The following NACAD variants were observed in gnomAD, a reference collection of about 807,000 sequenced individuals.
The protein encoded by NACAD is NAC-alpha domain-containing protein 1.
A neutral mutation model predicts 98.9 loss-of-function variants in NACAD; 47 were observed. That is an observed-to-expected ratio of 0.48 (90% CI 0.38 to 0.61). The LOEUF (loss-of-function observed/expected upper bound fraction) is 0.61, where lower values mean the gene tolerates loss of function less well. Among genes scored for constraint, NACAD ranks in the 20% least tolerant of loss-of-function variants. The probability of loss-of-function intolerance (pLI) is 0.00; values close to 1 mark genes in which losing one functional copy is unlikely to be tolerated. For missense variants in NACAD, 1,412 were observed against 1,748.2 expected (o/e 0.81, Z 3.43); for synonymous variants, 696 against 767.2 (o/e 0.91, Z 1.53).
At position 45,088,719 on chromosome 7, in the gene NACAD, AG is replaced by A; in HGVS notation, c.67+108del. ...GGGCGCGGAAAGGGGAGGGGACTCG[AG>A]GGGGGCCAGGGGGATGGGGGAGAGG... On this transcript the variant is annotated intron_variant, in intron 1 of 7. Coordinates refer to ENST00000490531, the MANE Select transcript of NACAD (RefSeq NM_001146334.2). The surrounding 1 kb of genome is among the most constrained non-coding windows in gnomAD (Gnocchi z 5.7). The A allele has an allele frequency of 1.4e-6, 1 of 692,340 alleles. No homozygotes were observed. Among genetic ancestry groups the A allele is most frequent in the Non-Finnish European group, 1.8e-6 (1 of 548,656 alleles). The allele number at this position is 692,340 out of a possible 1,614,324, so 42.9% of individuals were successfully genotyped here.
At chr7:45,080,560 C>T (rs1192015856) in intron 7 of NACAD, 37 bp from the exon 8 acceptor site, 33 of 1,551,280 alleles carry the variant, frequency 2.1e-5, no homozygotes, top group African/African-American at 4.1e-5. Flanking sequence ...GGAAGCACCC[C>T]GCAGTGGAGC....
In NACAD at chr7:45,085,520, G is replaced by A; in HGVS notation, c.660C>T (p.Tyr220=). The A allele has an allele frequency of 6.4e-7, 1 of 1,550,786 alleles. No individual in the cohort carries two copies. The highest frequency in any genetic ancestry group is 8.7e-7 in the Non-Finnish European group (1 of 1,146,948). The change falls in exon 2 of 8, where the codon TAC becomes TAT. Residue 220 remains tyrosine, a synonymous_variant. Transcript: ENST00000490531. This position sits in a 1 kb window ranked among gnomAD's most constrained non-coding sequence, Gnocchi z 6.1. ...CCCAGCTGTCCCCATCGGCCGTAAT[G>A]TAGGAGCCCGAGGGTGAGGCGGGGG... ...DSPPASPSGS[Y]ITADGDSWAS...
At position 45,083,113 on chromosome 7, in the gene NACAD, A is replaced by G. The variant is rs1418733827; in HGVS notation, c.3067T>C (p.Leu1023=). The G allele has an allele frequency of 6.4e-7, 1 of 1,550,666 alleles. No homozygotes were observed. ...GGGAGACTGAGGGCCTCCATGCCCA[A>G]AGTGGAATCCGCATCTTCCTGTGCG... ...WAAQEDADST[L]GMEALSLPEP... The change falls in exon 2 of 8, where the codon TTG becomes CTG. Residue 1023 remains leucine, a synonymous_variant. Transcript: ENST00000490531.
chr7:45,082,411 C>G lies in NACAD; in HGVS notation c.3769G>C (p.Asp1257His), dbSNP rs1182121943. The G allele has an allele frequency of 1.9e-6, 3 of 1,549,334 alleles. No homozygotes were observed. The Admixed American group carries it at 5.9e-5, about 30-fold the overall frequency. The change falls in exon 2 of 8, where the codon GAC (aspartate) becomes CAC (histidine). Residue 1257 changes from aspartate to histidine, a missense_variant. By Grantham distance (81) the Asp-to-His change is moderately conservative. This residue lies in a region of NACAD where 572 missense variants were observed against 639.6 expected (regional missense o/e 0.89). Coordinates refer to ENST00000490531, the MANE Select transcript of NACAD (RefSeq NM_001146334.2). The surrounding 1 kb of genome is among the most constrained non-coding windows in gnomAD (Gnocchi z 4.5). ...GGGGGCTCCTCGTCTTCCACAGAGT[C>G]TTCCTGGGGGTCCTGGCACAGGCAG... ...APCLCQDPQEDSVEDEEPPGS... is the reference protein window; with the variant it reads ...APCLCQDPQEHSVEDEEPPGS...
intron 4 of NACAD, 94 bp downstream of exon 4, chr7:45,081,507 A>AT (rs1199288529): frequency 5.6e-5 from 82 of 1,462,078 alleles, no homozygotes; most frequent in Non-Finnish European, 7.3e-5. Context: ...GATGGATGGG[A>AT]TTTCATTAGC....
chr7:45,083,225 G>T lies in NACAD; in HGVS notation c.2955C>A (p.Ala985=), dbSNP rs1232950487. The part of the protein sequence containing the change: ...PRPAPEEKNA[A]LPTVPEPAAL... ...CTGCAGGCTCCGGGACTGTAGGGAGGGCTGCATTCTTCTCCTCAGGTGCTG... is the reference window on the plus strand; with the variant it reads ...CTGCAGGCTCCGGGACTGTAGGGAGTGCTGCATTCTTCTCCTCAGGTGCTG... Residue 985 remains alanine, a synonymous_variant, in exon 2 of 8, where the codon GCC becomes GCA. Coordinates refer to ENST00000490531, the MANE Select transcript of NACAD (RefSeq NM_001146334.2). 6.4e-7 allele frequency: 1 copy of T among 1,550,882 alleles called. No individual in the cohort carries two copies. Among genetic ancestry groups the T allele is most frequent in the East Asian group, 2.4e-5 (1 of 40,914 alleles).
chr7:45,083,383 G>A lies in NACAD; in HGVS notation c.2797C>T (p.Pro933Ser). ...TAPLPLQDTG[P>S]TSGPEPLAVA... ...GCCAGAGGCTCTGGACCTGAGGTGG[G>A]GCCTGTGTCTTGCAGAGGCAGAGGT... The change falls in exon 2 of 8, where the codon CCC becomes TCC. Residue 933 changes from proline to serine, a missense_variant. Physicochemically the swap from Pro to Ser is moderately conservative, Grantham distance 74 (BLOSUM62 -1). This residue lies in a region of NACAD where 572 missense variants were observed against 639.6 expected (regional missense o/e 0.89). Transcript: ENST00000490531. 1.3e-6 allele frequency: 2 copies of A among 1,551,354 alleles called. No homozygotes were observed. The highest frequency in any genetic ancestry group is 1.7e-6 in the Non-Finnish European group (2 of 1,147,026).
chr7:45,081,809 G>T lies in NACAD; in HGVS notation c.4131C>A (p.Ala1377=), dbSNP rs188442654. Residue 1377 remains alanine (A), a synonymous_variant, in exon 3 of 8, where the codon GCC becomes GCA. Coordinates refer to ENST00000490531, the MANE Select transcript of NACAD (RefSeq NM_001146334.2). The part of the protein sequence containing the change: ...QHSDSHGESS[A]ELDEQDILAP... ...CCAAGATGTCCTGCTCGTCCAGCTC[G>T]GCTGATGACTCCCCGTGGCTATCCG... 3.9e-6 allele frequency: 6 copies of T among 1,550,386 alleles called. No individual in the cohort carries two copies. The highest frequency in any genetic ancestry group is 5.2e-6 in the Non-Finnish European group (6 of 1,146,980).
chr7:45,087,171 G>A (rs913417192), intron 1 of NACAD, among the ~76,000 whole-genome samples: 6 of 152,160 alleles, frequency 3.9e-5, no homozygotes, highest in East Asian at 3.9e-4. Flanking sequence ...CCGAGGTTGC[G>A]GCACACCAGA....
chr7:45,083,223 A>C lies in NACAD; in HGVS notation c.2957T>G (p.Leu986Arg). Residue 986 changes from leucine (L) to arginine (R), a missense_variant, in exon 2 of 8, where the codon CTC (leucine) becomes CGC (arginine). Leu to Arg is a moderately radical substitution (Grantham distance 102). Coordinates refer to ENST00000490531, the MANE Select transcript of NACAD (RefSeq NM_001146334.2). ...GGCTGCAGGCTCCGGGACTGTAGGG[A>C]GGGCTGCATTCTTCTCCTCAGGTGC... ...RPAPEEKNAA[L>R]PTVPEPAALD... 5.8e-6 allele frequency: 9 copies of C among 1,550,808 alleles called. No individual in the cohort carries two copies. The highest frequency in any genetic ancestry group is 7.8e-6 in the Non-Finnish European group (9 of 1,146,910).
In NACAD at chr7:45,082,873, C is replaced by G. The variant is rs200678180; in HGVS notation, c.3307G>C (p.Val1103Leu). ...PRSALGGARE[V>L]PDAPPAACPE... is the part of the protein sequence containing the mutation. Reference sequence around the variant, plus strand: ...CAGGCAGCAGGAGGCGCATCGGGGACCTCCCTTGCACCTCCAAGTGCTGAC... The same window carrying G: ...CAGGCAGCAGGAGGCGCATCGGGGAGCTCCCTTGCACCTCCAAGTGCTGAC... Residue 1103 changes from valine (V) to leucine (L), a missense_variant, in exon 2 of 8, where the codon GTC becomes CTC. Val to Leu is a conservative substitution (Grantham distance 32). Around this residue, in one of 5 missense-constraint regions of NACAD, gnomAD observed 572 missense variants for 639.6 expected, o/e 0.89. Transcript: ENST00000490531. The surrounding 1 kb of genome is among the most constrained non-coding windows in gnomAD (Gnocchi z 4.5). 5.6e-4 allele frequency: 866 copies of G among 1,550,492 alleles called. No homozygotes were observed. The highest frequency in any genetic ancestry group is 6.9e-4 in the Non-Finnish European group (796 of 1,146,930).
At position 45,080,967 on chromosome 7, in the gene NACAD, G is replaced by A. The variant is rs1476370122; in HGVS notation, c.4460C>T (p.Pro1487Leu). 6.4e-7 allele frequency: 1 copy of A among 1,551,872 alleles called. No individual in the cohort carries two copies. Among genetic ancestry groups the A allele is most frequent in the Non-Finnish European group, 8.7e-7 (1 of 1,147,180 alleles). ...AGGGACCAAGGCTGAGGGCTCTGAG[G>A]GCACCTTAAACTTCTCAGCTGCGGC... Reference protein sequence around the residue: ...HKAAAEKFKVPSEPSALVPES... With the variant: ...HKAAAEKFKVLSEPSALVPES... Residue 1487 changes from proline to leucine, a missense_variant, in exon 6 of 8, where the codon CCC becomes CTC. Coordinates refer to ENST00000490531, the MANE Select transcript of NACAD (RefSeq NM_001146334.2).
chr7:45,080,906 G>A lies in NACAD; in HGVS notation c.4521C>T (p.Cys1507=). 1 of 1,557,084 alleles carries A rather than the reference G, an allele frequency of 6.4e-7. No individual in the cohort carries two copies. The highest frequency in any genetic ancestry group is 8.7e-7 in the Non-Finnish European group (1 of 1,150,366). ...CCTCCTCCTCCTCTTCCTCTTCCTT[G>A]CACTCCAGCCTCACCCGGGGCCTGG... is the stretch of plus-strand genomic sequence containing the variant. ...SAPRPRVRLE[C]KEEEEEEEEE... Residue 1507 remains cysteine (C), a synonymous_variant, in exon 6 of 8, where the codon TGC becomes TGT. Coordinates refer to ENST00000490531, the MANE Select transcript of NACAD (RefSeq NM_001146334.2).
rs1436191546 is a variant in NACAD, at chr7:45,088,108, T to C, written c.67+720A>G. Among the ~76,000 whole-genome samples the C allele has an allele frequency of 1.3e-5, 2 of 152,080 alleles. No individual in the cohort carries two copies. The highest frequency in any genetic ancestry group is 2.9e-5 in the Non-Finnish European group (2 of 68,006). On this transcript the variant is annotated intron_variant, in intron 1 of 7. Coordinates refer to ENST00000490531, the MANE Select transcript of NACAD (RefSeq NM_001146334.2). The surrounding 1 kb of genome is among the most constrained non-coding windows in gnomAD (Gnocchi z 5.7). Reference sequence around the variant, plus strand: ...CTTCTTGCCCACAGCAAGGTGCCCTTGGCCCTACCCACACATGGCTGACCT... The same window carrying C: ...CTTCTTGCCCACAGCAAGGTGCCCTCGGCCCTACCCACACATGGCTGACCT...
In NACAD at chr7:45,082,187, G is replaced by C; in HGVS notation, c.3993C>G (p.Pro1331=). The C allele has an allele frequency of 6.5e-7, 1 of 1,526,972 alleles. No individual in the cohort carries two copies. Among genetic ancestry groups the C allele is most frequent in the African/African-American group, 1.4e-5 (1 of 72,596 alleles). The allele number at this position is 1,526,972 out of a possible 1,614,324, so 94.6% of individuals were successfully genotyped here. A position where few individuals can be genotyped will look rare whatever the true frequency, so the allele number is the denominator to read the frequency against. ...GGCCAGCTGGGCTCTGGGGCCCAGAGGGAGGAGGCACTTGGCAAGGCGGCA... is the reference window on the plus strand; with the variant it reads ...GGCCAGCTGGGCTCTGGGGCCCAGACGGAGGAGGCACTTGGCAAGGCGGCA... ...QILPPCQVPP[P]SGPQSPAGPQ... Residue 1331 remains proline (P), a synonymous_variant, in exon 2 of 8, where the codon CCC becomes CCG. Transcript: ENST00000490531. This position sits in a 1 kb window ranked among gnomAD's most constrained non-coding sequence, Gnocchi z 4.5.
chr7:45,081,858 C>G lies in NACAD; in HGVS notation c.4082G>C (p.Arg1361Pro), dbSNP rs752034588. 4.7e-5 allele frequency: 72 copies of G among 1,545,542 alleles called. No individual in the cohort carries two copies. Among genetic ancestry groups the G allele is most frequent in the Admixed American group, 5.9e-5 (3 of 50,970 alleles). ...DEDSLEEDSP[R>P]ALGSGQHSDS... ...CGAATGCTGGCCCGAGCCCAGGGCC[C>G]GAGGCGAGTCTGGGGAAGGGGAGAG... is the stretch of plus-strand genomic sequence containing the variant. The change falls in exon 3 of 8, where the codon CGG (arginine) becomes CCG (proline). Residue 1361 changes from arginine (R) to proline (P), a missense_variant. By Grantham distance (103) the Arg-to-Pro change is moderately radical. Around this residue, in one of 5 missense-constraint regions of NACAD, gnomAD observed 572 missense variants for 639.6 expected, o/e 0.89. Coordinates refer to ENST00000490531, the MANE Select transcript of NACAD (RefSeq NM_001146334.2).
At position 45,083,383 on chromosome 7, in the gene NACAD, G is replaced by C; in HGVS notation, c.2797C>G (p.Pro933Ala). ...TAPLPLQDTGPTSGPEPLAVA... is the reference protein window; with the variant it reads ...TAPLPLQDTGATSGPEPLAVA... ...GCCAGAGGCTCTGGACCTGAGGTGG[G>C]GCCTGTGTCTTGCAGAGGCAGAGGT... The change falls in exon 2 of 8, where the codon CCC (proline) becomes GCC (alanine). Residue 933 changes from proline (P) to alanine (A), a missense_variant. Pro to Ala is a conservative substitution (Grantham distance 27). Coordinates refer to ENST00000490531, the MANE Select transcript of NACAD (RefSeq NM_001146334.2). The C allele has an allele frequency of 6.4e-7, 1 of 1,551,354 alleles. No individual in the cohort carries two copies. Among genetic ancestry groups the C allele is most frequent in the Non-Finnish European group, 8.7e-7 (1 of 1,147,026 alleles).
Position 45,086,112 on chromosome 7 carries a change from T to A in NACAD, c.68A>T (p.Asp23Val). The A allele has an allele frequency of 6.5e-7, 1 of 1,535,410 alleles. No homozygotes were observed. The highest frequency in any genetic ancestry group is 1.2e-5 in the South Asian group (1 of 84,036). ...GGCAGCGGCCGCATCGCAGGACAGA[T>A]CTGTGGAGATAGAGAAGATCATGAG... ...PEADRPGPRT[D>V]LSCDAAAATT... is the part of the protein sequence containing the mutation. Residue 23 changes from aspartate to valine, a missense_variant and splice_region_variant, in exon 2 of 8, where the codon GAT becomes GTT. Transcript: ENST00000490531.
At position 45,088,939 on chromosome 7, in the gene NACAD, C is replaced by G. The variant is rs1784563331; in HGVS notation, c.-45G>C. On this transcript the variant is annotated 5_prime_UTR_variant, in exon 1 of 8. Coordinates refer to ENST00000490531, the MANE Select transcript of NACAD (RefSeq NM_001146334.2). This position sits in a 1 kb window ranked among gnomAD's most constrained non-coding sequence, Gnocchi z 5.7. ...CCGTCCCTCAGTCCTTCCGACCCTC[C>G]GTCAGTCCGTGCCGCCGCCCCGCCG... is the stretch of plus-strand genomic sequence containing the variant. The G allele has an allele frequency of 3.1e-6, 4 of 1,290,352 alleles. No homozygotes were observed. Among genetic ancestry groups the G allele is most frequent in the East Asian group, 3.2e-5 (1 of 31,576 alleles). 79.9% of individuals were successfully genotyped at this position (1,290,352 alleles called of 1,614,324 possible).
Sources: allele counts gnomAD v4.1 joint callset (sites outside exome capture counted in the v4.1 genomes callset), GRCh38; gene constraint gnomAD v4.1.1; regional missense constraint gnomAD v4.1.1; non-coding constraint Gnocchi (gnomAD v3.1); transcripts MANE v1.5; gene names NCBI Gene and HGNC (gene_info 2026-07-23, HGNC 2026-07-21).